The following EYS variants were observed in gnomAD, a reference collection of about 807,000 sequenced individuals.
The protein encoded by EYS is protein eyes shut homolog.
Under a neutral mutation model 282.1 loss-of-function variants are expected in EYS, and 250 were observed. The observed-to-expected ratio is 0.89, with a 90% CI of 0.80 to 0.98. The LOEUF (loss-of-function observed/expected upper bound fraction) is 0.98. Ranked by LOEUF, EYS falls within the 50% of genes least tolerant of loss-of-function variation. The pLI is 0.00. For synonymous variants in EYS, 1,355 were observed against 1,282.9 expected, an observed-to-expected ratio of 1.06 and a Z score of -1.20; for missense variants, 4,016 against 3,709.0, an observed-to-expected ratio of 1.08 and a Z score of -2.15.
chr6:65,037,769 G>C (rs1320855832), intron 13 of EYS, among the ~76,000 whole-genome samples: 1 of 151,634 alleles, frequency 6.6e-6, no homozygotes, highest in South Asian at 2.1e-4. Flanking sequence ...CATTGTTCAA[G>C]AGTCAACTCT....
chr6:65,233,458 C>T lies in EYS; in HGVS notation c.2023+62405G>A, dbSNP rs188136752. Reference sequence around the variant, plus strand: ...TTCCCCTTATTTTTAATCTTTGAGTCTAATATCTAGAGGTTGTCCCAGGAA... The same window carrying T: ...TTCCCCTTATTTTTAATCTTTGAGTTTAATATCTAGAGGTTGTCCCAGGAA... On this transcript the variant is annotated intron_variant, in intron 12 of 42. Coordinates refer to ENST00000503581, the MANE Select transcript of EYS (RefSeq NM_001142800.2). 2.6e-5 allele frequency among the ~76,000 whole-genome samples: 4 copies of T among 152,228 alleles called. No homozygotes were observed. In the East Asian group the frequency reaches 7.7e-4, roughly 29 times the overall value.
rs1582930506 is a variant in EYS, at chr6:64,591,739, T to A, written c.4128A>T (p.Ser1376=). Reference sequence around the variant, plus strand: ...GAAAAAAGAAACCTAGTGTGGCTGCTGAAGTTCGAATAGGCATATGTGATA... The same window carrying A: ...GAAAAAAGAAACCTAGTGTGGCTGCAGAAGTTCGAATAGGCATATGTGATA... ...TSVSHMPIRT[S]AATLGFFFPD... is the part of the protein sequence containing the mutation. The change falls in exon 26 of 43, where the codon TCA becomes TCT. Residue 1376 remains serine (S), a synonymous_variant. Transcript: ENST00000503581. 1.9e-6 allele frequency: 3 copies of A among 1,551,424 alleles called. No individual in the cohort carries two copies. The East Asian group carries it at 7.3e-5, about 38-fold the overall frequency.
intron 11 of EYS, among the ~76,000 whole-genome samples, chr6:65,308,065 C>T (rs1460248288): frequency 2.9e-4 from 37 of 128,816 alleles, no homozygotes; most frequent in Non-Finnish European, 4.6e-4. Flanking sequence ...CTCCACCTCC[C>T]GGGTTCAAGC....
chr6:65,498,282 T>C (rs1766325263), intron 2 of EYS, among the ~76,000 whole-genome samples: 1 of 152,106 alleles, frequency 6.6e-6, no homozygotes, highest in African/African-American at 2.4e-5. Flanking sequence ...CACTAGGCAA[T>C]ATTGAAATAC....
chr6:65,072,730 A>G (rs1773935615), intron 12 of EYS, among the ~76,000 whole-genome samples: 1 of 151,836 alleles, frequency 6.6e-6, no homozygotes, highest in Admixed American at 6.6e-5. Flanking sequence ...AGAATCACAA[A>G]GTGAAAACTT....
At chr6:65,694,068 T>C (rs1372310036) in intron 1 of EYS, among the ~76,000 whole-genome samples, 1 of 150,214 alleles carries the variant, frequency 6.7e-6, no homozygotes, top group Non-Finnish European at 1.5e-5. Flanking sequence ...TAACTGAACA[T>C]GATTGTTTAA....
intron 31 of EYS, among the ~76,000 whole-genome samples, chr6:64,126,310 T>C (rs9450867): frequency 0.22 from 29,560 of 135,456 alleles, 3,632 homozygotes; most frequent in East Asian, 0.36. Context: ...AACCCAAATG[T>C]CCATCAATGA....
intron 26 of EYS, among the ~76,000 whole-genome samples, chr6:64,493,897 C>A (rs532441429): frequency 4.0e-4 from 61 of 151,566 alleles, no homozygotes; most frequent in African/African-American, 1.4e-3. Flanking sequence ...TCAGAACCAT[C>A]TTCTCCCCAA....
intron 28 of EYS, among the ~76,000 whole-genome samples, chr6:64,403,950 A>G (rs1338833): frequency 0.37 from 56,146 of 152,008 alleles, 11,121 homozygotes; most frequent in African/African-American, 0.53. Context: ...AAATCAGCCC[A>G]CTGGGTGGCT....
At chr6:65,381,831 T>A (rs1260523768) in intron 8 of EYS, among the ~76,000 whole-genome samples, 6 of 152,038 alleles carry the variant, frequency 3.9e-5, no homozygotes, top group African/African-American at 7.2e-5. Context: ...AGAGGATTTA[T>A]TAATTTCTTA....
chr6:63,969,125 G>A (rs183823310), intron 35 of EYS, among the ~76,000 whole-genome samples: 2 of 152,118 alleles, frequency 1.3e-5, no homozygotes, highest in African/African-American at 2.4e-5. Flanking sequence ...TCACTTATAT[G>A]TCATATTGTG....
At chr6:64,720,690 A>AG (rs1379601235) in intron 22 of EYS, among the ~76,000 whole-genome samples, 6 of 152,146 alleles carry the variant, frequency 3.9e-5, no homozygotes, top group Middle Eastern at 3.2e-3. Context: ...TATACTAGTG[A>AG]GGGGGAAAAA....
At chr6:64,025,864 G>A (rs1012877493) in intron 33 of EYS, among the ~76,000 whole-genome samples, 2 of 152,160 alleles carry the variant, frequency 1.3e-5, no homozygotes, top group African/African-American at 4.8e-5. Flanking sequence ...TATAGGAAAG[G>A]GGTAAAGTCC....
In EYS at chr6:64,710,434, C is replaced by T. The variant is rs766183453; in HGVS notation, c.3444-84189G>A. ...ATTCACCTCAGCCTTTCATTAGCCA[C>T]GGACCAAATCCTTCATCCAGTTAAA... On this transcript the variant is annotated intron_variant, in intron 22 of 42. Transcript: ENST00000503581. 5.3e-5 allele frequency among the ~76,000 whole-genome samples: 8 copies of T among 152,182 alleles called. No homozygotes were observed. The East Asian group carries it at 7.7e-4, about 15-fold the overall frequency.
At position 64,568,104 on chromosome 6, in the gene EYS, AG is replaced by A. The variant is rs11305292; in HGVS notation, c.5644+22118del. Among the ~76,000 whole-genome samples, 1,510 of 152,318 alleles carry A rather than the reference AG, an allele frequency of 9.9e-3. 18 individuals are homozygous for A. Among genetic ancestry groups the A allele is most frequent in the African/African-American group, 0.034 (1,433 of 41,570 alleles). On this transcript the variant is annotated intron_variant, in intron 26 of 42. Transcript: ENST00000503581. ...AGTACCAGAGAAAAGTGAGTTGCAG[AG>A]GTCTCCAGAAATCTGCAGAGGATTA...
intron 19 of EYS, among the ~76,000 whole-genome samples, chr6:64,837,793 C>A (rs1765433603): frequency 6.6e-6 from 1 of 150,514 alleles, no homozygotes; most frequent in South Asian, 2.1e-4. Flanking sequence ...AAATCAGTGG[C>A]ATTTCTATAT....
intron 24 of EYS, among the ~76,000 whole-genome samples, chr6:64,607,485 G>C (rs1309604736): frequency 6.6e-6 from 1 of 151,938 alleles, no homozygotes; most frequent in African/African-American, 2.4e-5. Flanking sequence ...TGTCCTCATA[G>C]GCTGGAAGGG....
At chr6:63,862,139 G>A (rs1240894973) in intron 36 of EYS, among the ~76,000 whole-genome samples, 1 of 152,040 alleles carries the variant, frequency 6.6e-6, no homozygotes, top group African/African-American at 2.4e-5. Flanking sequence ...AGTGATTCTT[G>A]TCTTGGTGAC....
At chr6:64,326,160 A>AT (rs1302718465) in intron 29 of EYS, among the ~76,000 whole-genome samples, 1 of 72,158 alleles carries the variant, frequency 1.4e-5, no homozygotes, top group African/African-American at 6.7e-5. Flanking sequence ...AGTAATAGAA[A>AT]TTTAAAACTT....
Sources: gnomAD v4.1 joint callset for allele counts (sites outside exome capture counted in the v4.1 genomes callset) on GRCh38, gnomAD v4.1.1 for gene constraint, MANE v1.5 for transcripts, NCBI Gene and HGNC (gene_info 2026-07-23, HGNC 2026-07-21) for gene names.